FAM13B: variants seen among roughly 807,000 people sequenced by gnomAD.
FAM13B encodes the protein family with sequence similarity 13 member B, also known as protein FAM13B.
FAM13B carries 60 observed loss-of-function variants against 117.3 expected under a neutral mutation model. The observed-to-expected ratio is 0.51, with a 90% CI of 0.42 to 0.63. The LOEUF is 0.63. Among genes scored for constraint, FAM13B ranks in the 30% least tolerant of loss-of-function variants. The probability of loss-of-function intolerance (pLI) is 0.00; values close to 1 mark genes in which losing one functional copy is unlikely to be tolerated. For synonymous variants in FAM13B, 332 were observed against 356.1 expected (o/e 0.93, Z 0.76); for missense variants, 972 against 1,091.9 (o/e 0.89, Z 1.55).
chr5:137,943,835 A>AG (rs1193295495), intron 20 of FAM13B, among the ~76,000 whole-genome samples: 1 of 152,206 alleles, frequency 6.6e-6, no homozygotes, highest in Middle Eastern at 3.2e-3. Context: ...TTTTGGTTTG[A>AG]GGACCATTCT....
At chr5:138,036,667 C>T (rs941103946), upstream of FAM13B, 1 of 441,134 alleles carries the variant, frequency 2.3e-6, no homozygotes, top group African/African-American at 2.0e-5. Flanking sequence ...AGTATTTAAT[C>T]TACCTGCTTT....
chr5:138,019,535 C>T (rs574869365), intron 2 of FAM13B, among the ~76,000 whole-genome samples: 3 of 152,328 alleles, frequency 2.0e-5, no homozygotes, highest in South Asian at 4.1e-4. Flanking sequence ...CCATATAAAG[C>T]TCATCTAACC....
chr5:137,990,004 A>C (rs949345474), intron 7 of FAM13B, among the ~76,000 whole-genome samples: 8 of 152,206 alleles, frequency 5.3e-5, no homozygotes, highest in African/African-American at 1.9e-4. Flanking sequence ...TGTAGAAAAA[A>C]AACAAAAAGT....
At chr5:137,959,155 C>G (rs776553564) in intron 13 of FAM13B, among the ~76,000 whole-genome samples, 1 of 152,108 alleles carries the variant, frequency 6.6e-6, no homozygotes, top group Non-Finnish European at 1.5e-5. Flanking sequence ...GACAGAAATA[C>G]AGGAATATGG....
chr5:138,049,196 C>A (rs1397625185), intron 1 of FAM13B, among the ~76,000 whole-genome samples: 1 of 152,192 alleles, frequency 6.6e-6, no homozygotes, highest in Non-Finnish European at 1.5e-5. Flanking sequence ...CCTGCCTGGG[C>A]CTCCCAAAGT....
chr5:137,993,078 A>C (rs1383589424), intron 7 of FAM13B, among the ~76,000 whole-genome samples: 3 of 152,238 alleles, frequency 2.0e-5, no homozygotes, highest in Non-Finnish European at 4.4e-5. Flanking sequence ...ATCACCGTTC[A>C]GTGAAAGAAA....
intron 9 of FAM13B, among the ~76,000 whole-genome samples, chr5:137,986,407 G>T (rs1777225418): frequency 7.3e-6 from 1 of 136,176 alleles, no homozygotes; most frequent in African/African-American, 2.7e-5. Context: ...TTCTAGATTT[G>T]GGTACATTTT....
At chr5:138,018,210 T>C in intron 4 of FAM13B, 92 bp downstream of exon 4, 1 of 1,038,834 alleles carries the variant, frequency 9.6e-7, no homozygotes, top group Non-Finnish European at 1.4e-6. Context: ...TCTAAAATAC[T>C]ATACTTACTG....
At chr5:138,011,608 C>T (rs949510100) in intron 5 of FAM13B, among the ~76,000 whole-genome samples, 160 bp downstream of exon 5, 1 of 151,964 alleles carries the variant, frequency 6.6e-6, no homozygotes, top group South Asian at 2.1e-4. Context: ...TTAGTAGAGA[C>T]GGGGTTTCAC....
intron 1 of FAM13B, among the ~76,000 whole-genome samples, chr5:138,030,368 C>T (rs563019213): frequency 3.3e-5 from 5 of 151,906 alleles, no homozygotes; most frequent in South Asian, 4.2e-4. Flanking sequence ...CACCTCAGCT[C>T]CCTGAGCAGC....
chr5:137,963,614 G>A (rs1768790109), intron 10 of FAM13B, among the ~76,000 whole-genome samples: 1 of 152,110 alleles, frequency 6.6e-6, no homozygotes, highest in Non-Finnish European at 1.5e-5. Flanking sequence ...ATCAGACTTC[G>A]GTAACTTTTA....
At chr5:138,036,846 G>T, upstream of FAM13B, 28 of 322,788 alleles carry the variant, frequency 8.7e-5, no homozygotes, top group East Asian at 2.6e-4. Flanking sequence ...AGACATTTTT[G>T]GTTTTTTTTT....
intron 1 of FAM13B, among the ~76,000 whole-genome samples, chr5:138,045,639 G>A (rs183173430): frequency 6.6e-6 from 1 of 152,224 alleles, no homozygotes; most frequent in Admixed American, 6.5e-5. Flanking sequence ...GAAACCTACA[G>A]AATGGCTCTT....
At chr5:137,952,066 A>G (rs547605437) in intron 17 of FAM13B, among the ~76,000 whole-genome samples, 1 of 152,356 alleles carries the variant, frequency 6.6e-6, no homozygotes, top group East Asian at 1.9e-4. Context: ...CCTATTTTGC[A>G]TAATTTTTAA....
At chr5:137,966,185 C>T (rs1769684071) in intron 10 of FAM13B, among the ~76,000 whole-genome samples, 1 of 151,408 alleles carries the variant, frequency 6.6e-6, no homozygotes, top group African/African-American at 2.4e-5. Context: ...GCCTGTAATC[C>T]CAGCACTTTG....
In FAM13B at chr5:137,951,470, C is replaced by A. The variant is rs369561418; in HGVS notation, c.1930+1158G>T. On this transcript the variant is annotated intron_variant, in intron 17 of 23. Transcript: ENST00000689681. ...GCCAGAAGTTTGAGACCAATCCAGG[C>A]ACAAAGCAAGACCCCAACTCTATAC... Among the ~76,000 whole-genome samples, 42 of 152,002 alleles carry A rather than the reference C, an allele frequency of 2.8e-4. 1 individual carries two copies. The East Asian group carries it at 7.8e-3, about 28-fold the overall frequency.
At position 137,962,906 on chromosome 5, in the gene FAM13B, C is replaced by A. The variant is rs1347415278; in HGVS notation, c.1180-437G>T. Among the ~76,000 whole-genome samples the A allele has an allele frequency of 3.3e-5, 5 of 152,150 alleles. No homozygotes were observed. The South Asian group carries it at 8.3e-4, about 25-fold the overall frequency. On this transcript the variant is annotated intron_variant, in intron 10 of 23. Coordinates refer to ENST00000689681, the MANE Select transcript of FAM13B (RefSeq NM_001385994.1). Reference sequence around the variant, plus strand: ...TATTTGAAGTAATAACTATTTTCCACAAAGAAAGTCCCCACATGAGAAAAC... The same window carrying A: ...TATTTGAAGTAATAACTATTTTCCAAAAAGAAAGTCCCCACATGAGAAAAC...
Position 137,992,159 on chromosome 5 carries a change from G to A in FAM13B, c.849-3844C>T, listed in dbSNP as rs149361033. Among the ~76,000 whole-genome samples the A allele has an allele frequency of 6.2e-3, 940 of 151,994 alleles. 13 individuals are homozygous for A. Among genetic ancestry groups the A allele is most frequent in the African/African-American group, 0.022 (905 of 41,476 alleles). ...ACTCCAGAGCTCAAGTGATCCTCCC[G>A]CCTCAGCTTCCCCAAGTGCTAGGAT... On this transcript the variant is annotated intron_variant, in intron 7 of 23. Transcript: ENST00000689681.
intron 1 of FAM13B, among the ~76,000 whole-genome samples, chr5:138,042,639 GAAAA>G (rs34217311): frequency 6.9e-6 from 1 of 145,066 alleles, no homozygotes; most frequent in African/African-American, 2.5e-5. Flanking sequence ...AAACTTAAAA[GAAAA>G]AAAAAAAAAG....
Sources: gnomAD v4.1 joint callset for allele counts (sites outside exome capture counted in the v4.1 genomes callset) on GRCh38, gnomAD v4.1.1 for gene constraint, MANE v1.5 for transcripts, NCBI Gene and HGNC (gene_info 2026-07-23, HGNC 2026-07-21) for gene names.